Variants in MEIKIN observed in about 807,000 individuals in gnomAD.
MEIKIN encodes meiotic kinetochore factor, also known as meiosis-specific kinetochore protein.
rs140726275 is a variant in MEIKIN at position 131,922,224 on chromosome 5, T to C, written c.479-283A>G. Among the ~76,000 whole-genome samples, 743 of 152,324 alleles carry C rather than the reference T, an allele frequency of 4.9e-3. 4 individuals carry two copies. Among genetic ancestry groups the C allele is most frequent in the African/African-American group, 0.017 (692 of 41,568 alleles). Reference sequence around the variant, plus strand: ...CACATGTGAGCTGCCTGTTATATTTTATATATGTTATACCTATGTGCCATT... The same window carrying C: ...CACATGTGAGCTGCCTGTTATATTTCATATATGTTATACCTATGTGCCATT... On this transcript the variant is annotated intron_variant, in intron 5 of 12. Transcript: ENST00000442687.
chr5:131,900,702 T>C (rs529735714), intron 8 of MEIKIN, among the ~76,000 whole-genome samples: 5 of 152,248 alleles, frequency 3.3e-5, no homozygotes, highest in Admixed American at 6.5e-5. Flanking sequence ...CACCTCTTGG[T>C]TGGCCTGCCT....
intron 9 of MEIKIN, among the ~76,000 whole-genome samples, chr5:131,860,497 C>CTCTGT (rs1444995446): frequency 6.6e-6 from 1 of 151,822 alleles, no homozygotes; most frequent in African/African-American, 2.4e-5. Flanking sequence ...CCACACTGGA[C>CTCTGT]TGCAGTGGTG....
chr5:131,842,658 A>C (rs1027702399), intron 11 of MEIKIN, among the ~76,000 whole-genome samples: 2 of 152,022 alleles, frequency 1.3e-5, no homozygotes, highest in African/African-American at 4.8e-5. Flanking sequence ...GTATTTACTA[A>C]AGGATTGTTC....
intron 12 of MEIKIN, among the ~76,000 whole-genome samples, chr5:131,808,616 C>T (rs567068059): frequency 1.3e-5 from 2 of 152,290 alleles, no homozygotes; most frequent in African/African-American, 4.8e-5. Flanking sequence ...TTATAAGTTC[C>T]TCTGGTGGCC....
intron 4 of MEIKIN, among the ~76,000 whole-genome samples, chr5:131,942,369 G>A (rs1231591729): frequency 1.3e-5 from 2 of 152,128 alleles, no homozygotes; most frequent in African/African-American, 2.4e-5. Flanking sequence ...ATTCCCTCAT[G>A]GAAGTCTTCC....
intron 9 of MEIKIN, among the ~76,000 whole-genome samples, chr5:131,874,372 A>C (rs1750569041): frequency 6.6e-6 from 1 of 152,266 alleles, no homozygotes; most frequent in African/African-American, 2.4e-5. Context: ...AAACACCTCT[A>C]CGCAAATAAA....
At chr5:131,892,577 AG>A (rs1294789577) in intron 8 of MEIKIN, among the ~76,000 whole-genome samples, 5 of 152,098 alleles carry the variant, frequency 3.3e-5, no homozygotes, top group Admixed American at 2.6e-4. Flanking sequence ...AGGTCTTTTA[AG>A]GACTTCTCTG....
At chr5:131,877,223 AAAAC>A (rs1158980907) in intron 9 of MEIKIN, among the ~76,000 whole-genome samples, 5 of 152,166 alleles carry the variant, frequency 3.3e-5, no homozygotes, top group Non-Finnish European at 5.9e-5. Flanking sequence ...AAAGTAGGTA[AAAAC>A]AAACAAACAG....
intron 8 of MEIKIN, among the ~76,000 whole-genome samples, chr5:131,905,268 T>C (rs1751224982): frequency 1.3e-5 from 2 of 152,182 alleles, no homozygotes; most frequent in South Asian, 4.2e-4. Flanking sequence ...AGATACAACA[T>C]ACCAGACTCT....
chr5:131,943,297 C>CAT (rs1220925131), intron 3 of MEIKIN, among the ~76,000 whole-genome samples: 2 of 152,010 alleles, frequency 1.3e-5, no homozygotes, highest in East Asian at 3.8e-4. Context: ...TATACACACA[C>CAT]ATATATATAA....
In MEIKIN at chr5:131,856,744, G is replaced by A. The variant is rs549203456; in HGVS notation, c.775-1910C>T. On this transcript the variant is annotated intron_variant, in intron 9 of 12. Transcript: ENST00000442687. ...TTAAAACATCAGCTTGTATGCAGCT[G>A]TAAGTATATAGCTTCCCTACATTTT... Among the ~76,000 whole-genome samples, 4 of 151,984 alleles carry A rather than the reference G, an allele frequency of 2.6e-5. No individual in the cohort carries two copies. The East Asian group carries it at 5.8e-4, about 22-fold the overall frequency.
intron 5 of MEIKIN, among the ~76,000 whole-genome samples, chr5:131,930,247 T>C (rs901599577): frequency 6.6e-6 from 1 of 152,240 alleles, no homozygotes; most frequent in Non-Finnish European, 1.5e-5. Flanking sequence ...TGCTATCTCA[T>C]TGTGGTTTTG....
chr5:131,889,524 G>A (rs1357670776), intron 8 of MEIKIN, among the ~76,000 whole-genome samples: 1 of 152,142 alleles, frequency 6.6e-6, no homozygotes, highest in African/African-American at 2.4e-5. Context: ...TCTGTTATTG[G>A]TGTATAAGAA....
chr5:131,838,357 G>A (rs1405282814), intron 11 of MEIKIN, among the ~76,000 whole-genome samples: 3 of 152,236 alleles, frequency 2.0e-5, no homozygotes, highest in Admixed American at 2.0e-4. Context: ...TCAGGATGAT[G>A]CCGGCCTCAT....
chr5:131,920,413 T>A (rs557029532), intron 6 of MEIKIN, among the ~76,000 whole-genome samples: 4 of 152,338 alleles, frequency 2.6e-5, no homozygotes, highest in African/African-American at 9.6e-5. Flanking sequence ...CTCTGATGGC[T>A]GCTAAAATTA....
intron 8 of MEIKIN, among the ~76,000 whole-genome samples, chr5:131,893,918 C>G (rs956868367): frequency 6.6e-6 from 1 of 152,096 alleles, no homozygotes; most frequent in Non-Finnish European, 1.5e-5. Context: ...TCCCATTTGT[C>G]TATTTTTGTT....
At chr5:131,840,955 G>A (rs370597982) in intron 11 of MEIKIN, among the ~76,000 whole-genome samples, 5 of 152,146 alleles carry the variant, frequency 3.3e-5, no homozygotes, top group African/African-American at 1.2e-4. Context: ...TTCATGCGCT[G>A]GTTCTTTCTC....
chr5:131,876,672 T>G (rs1439584795), intron 9 of MEIKIN, among the ~76,000 whole-genome samples: 8 of 151,382 alleles, frequency 5.3e-5, no homozygotes, highest in African/African-American at 1.9e-4. Context: ...TTATAAATCA[T>G]GCTGCTATAA....
At position 131,848,166 on chromosome 5, in the gene MEIKIN, A is replaced by C. The variant is rs570085769; in HGVS notation, c.975+3098T>G. Among the ~76,000 whole-genome samples, 10 of 152,308 alleles carry C rather than the reference A, an allele frequency of 6.6e-5. No individual in the cohort carries two copies. The South Asian group carries it at 2.1e-3, about 32-fold the overall frequency. ...ACCCAAAGCTAGCAGAAGGATGGAA[A>C]TAATAAAGATTAGAGCAGACAGAAA... is the stretch of plus-strand genomic sequence containing the variant. On this transcript the variant is annotated intron_variant, in intron 11 of 12. Transcript: ENST00000442687.
Sources: gnomAD v4.1 joint callset for allele counts (sites outside exome capture counted in the v4.1 genomes callset) on GRCh38, gnomAD v4.1.1 for gene constraint, MANE v1.5 for transcripts, NCBI Gene and HGNC (gene_info 2026-07-23, HGNC 2026-07-21) for gene names.